Variants in SEMA5A observed in about 807,000 individuals in gnomAD.
SEMA5A encodes the protein semaphorin-5A.
Under a neutral mutation model 135.5 loss-of-function variants are expected in SEMA5A, and 55 were observed. The ratio of observed to expected loss-of-function variants is 0.41; its 90% CI spans 0.33 to 0.51. SEMA5A has a LOEUF of 0.51. SEMA5A is among the 20% of genes least tolerant of loss of function. The pLI is 0.37. For synonymous variants in SEMA5A, 580 were observed against 546.5 expected, an observed-to-expected ratio of 1.06 and a Z score of -0.85; for missense variants, 1,290 against 1,419.9, an observed-to-expected ratio of 0.91 and a Z score of 1.47.
chr5:9,235,882 T>G (rs1376381156), intron 6 of SEMA5A, among the ~76,000 whole-genome samples: 1 of 152,156 alleles, frequency 6.6e-6, no homozygotes, highest in Non-Finnish European at 1.5e-5. Flanking sequence ...TACCTGAGAC[T>G]GGGTAATTTT....
chr5:9,106,843 T>C (rs1396354544), intron 16 of SEMA5A, among the ~76,000 whole-genome samples: 3 of 152,214 alleles, frequency 2.0e-5, no homozygotes, highest in African/African-American at 7.2e-5. Context: ...TGGAAAGAAG[T>C]GTCTTTATAA....
chr5:9,435,703 G>C (rs1420871105), intron 2 of SEMA5A, among the ~76,000 whole-genome samples: 3 of 152,136 alleles, frequency 2.0e-5, no homozygotes, highest in African/African-American at 7.2e-5. Flanking sequence ...CCCACCACCT[G>C]TCTTTGTAAT....
At chr5:9,386,000 C>T (rs1755870516) in intron 2 of SEMA5A, among the ~76,000 whole-genome samples, 1 of 151,948 alleles carries the variant, frequency 6.6e-6, no homozygotes, top group Non-Finnish European at 1.5e-5. Context: ...CAGGGTTTCA[C>T]CATGTTGGTC....
At chr5:9,306,797 T>C (rs1047467094) in intron 5 of SEMA5A, among the ~76,000 whole-genome samples, 8 of 152,214 alleles carry the variant, frequency 5.3e-5, no homozygotes, top group African/African-American at 1.9e-4. Context: ...ACCTTTATTG[T>C]CACTTAAATG....
intron 3 of SEMA5A, among the ~76,000 whole-genome samples, chr5:9,348,082 G>A (rs993181089): frequency 3.3e-5 from 5 of 152,126 alleles, no homozygotes; most frequent in African/African-American, 4.8e-5. Context: ...AAGGAGTTCC[G>A]AGTCATTCAA....
intron 5 of SEMA5A, among the ~76,000 whole-genome samples, chr5:9,275,804 A>C (rs1750230438): frequency 6.6e-6 from 1 of 152,236 alleles, no homozygotes. Context: ...AAAAACTTTC[A>C]ATAAACTAGG....
At chr5:9,238,393 T>G (rs987678606) in intron 5 of SEMA5A, among the ~76,000 whole-genome samples, 14 of 152,312 alleles carry the variant, frequency 9.2e-5, no homozygotes, top group African/African-American at 3.4e-4. Flanking sequence ...TGATAATCAA[T>G]CAATAGATAG....
At chr5:9,146,155 C>G (rs149864973) in intron 12 of SEMA5A, among the ~76,000 whole-genome samples, 1 of 152,172 alleles carries the variant, frequency 6.6e-6, no homozygotes, top group African/African-American at 2.4e-5. Context: ...TGTTACCTTA[C>G]GACAACACTG....
At chr5:9,436,238 A>G (rs1039350507) in intron 2 of SEMA5A, among the ~76,000 whole-genome samples, 3 of 152,224 alleles carry the variant, frequency 2.0e-5, no homozygotes, top group Non-Finnish European at 4.4e-5. Flanking sequence ...CCTATCATAT[A>G]TCATGATAAC....
At chr5:9,336,066 G>A (rs1753377505) in intron 4 of SEMA5A, among the ~76,000 whole-genome samples, 2 of 152,158 alleles carry the variant, frequency 1.3e-5, no homozygotes, top group Non-Finnish European at 2.9e-5. Context: ...GTTCAGGACT[G>A]CTGGTGGACC....
At chr5:9,070,703 G>C (rs1453368563) in intron 16 of SEMA5A, among the ~76,000 whole-genome samples, 1 of 152,200 alleles carries the variant, frequency 6.6e-6, no homozygotes, top group East Asian at 1.9e-4. Flanking sequence ...TCAGATCTAA[G>C]CCTCCAACAA....
At chr5:9,438,122 A>G (rs1296537938) in intron 1 of SEMA5A, among the ~76,000 whole-genome samples, 1 of 152,232 alleles carries the variant, frequency 6.6e-6, no homozygotes, top group Non-Finnish European at 1.5e-5. Flanking sequence ...ACTCTCATAA[A>G]ACATCCAGAA....
intron 1 of SEMA5A, among the ~76,000 whole-genome samples, chr5:9,492,287 G>A (rs549296294): frequency 1.3e-5 from 2 of 152,290 alleles, no homozygotes; most frequent in Admixed American, 1.3e-4. Flanking sequence ...CCAATAAAGT[G>A]TTATTGCACC....
In SEMA5A at chr5:9,204,446, A is replaced by G. The variant is rs988861048; in HGVS notation, c.647-2206T>C. On this transcript the variant is annotated intron_variant, in intron 8 of 22. Transcript: ENST00000382496. This position sits in a 1 kb window ranked among gnomAD's most constrained non-coding sequence, Gnocchi z 6.4. ...GTCCTGAGCTGAAAAACGAGAAGAT[A>G]CAAAGGAAGAAAGATCTTTTATGGT... Among the ~76,000 whole-genome samples, 23 of 152,230 alleles carry G rather than the reference A, an allele frequency of 1.5e-4. No individual in the cohort carries two copies. Among genetic ancestry groups the G allele is most frequent in the African/African-American group, 5.3e-4 (22 of 41,458 alleles).
chr5:9,393,796 A>C (rs1756269780), intron 2 of SEMA5A, among the ~76,000 whole-genome samples: 1 of 152,226 alleles, frequency 6.6e-6, no homozygotes, highest in South Asian at 2.1e-4. Flanking sequence ...CCTTAGCCTT[A>C]GGAAAATTCA....
At chr5:9,539,366 C>T (rs970641935) in intron 1 of SEMA5A, among the ~76,000 whole-genome samples, 4 of 152,182 alleles carry the variant, frequency 2.6e-5, no homozygotes, top group Non-Finnish European at 4.4e-5. Flanking sequence ...TCTGTTTCAA[C>T]TTATTAAATC....
chr5:9,376,320 G>C (rs905092954), intron 3 of SEMA5A, among the ~76,000 whole-genome samples: 11 of 152,132 alleles, frequency 7.2e-5, no homozygotes, highest in Non-Finnish European at 1.3e-4. Context: ...GCCAGGACCC[G>C]CAATGCTCCC....
chr5:9,454,454 C>T (rs181016280), intron 1 of SEMA5A, among the ~76,000 whole-genome samples: 1 of 152,166 alleles, frequency 6.6e-6, no homozygotes, highest in South Asian at 2.1e-4. Flanking sequence ...TTGATATATT[C>T]GCATCTGTTC....
intron 12 of SEMA5A, among the ~76,000 whole-genome samples, chr5:9,153,981 G>A (rs949205211): frequency 8.1e-5 from 12 of 148,342 alleles, no homozygotes; most frequent in Non-Finnish European, 1.5e-4. Context: ...GGCAGCCAGA[G>A]GTTGCAGTGA....
Sources: allele counts gnomAD v4.1 joint callset (sites outside exome capture counted in the v4.1 genomes callset), GRCh38; gene constraint gnomAD v4.1.1; non-coding constraint Gnocchi (gnomAD v3.1); transcripts MANE v1.5; gene names NCBI Gene and HGNC (gene_info 2026-07-23, HGNC 2026-07-21).